ATXN7L1: variants seen among roughly 807,000 people sequenced by gnomAD.
ATXN7L1 encodes ataxin 7 like 1.
ATXN7L1 carries 15 observed loss-of-function variants against 70.8 expected under a neutral mutation model. The ratio of observed to expected loss-of-function variants is 0.21; its 90% CI spans 0.14 to 0.33. ATXN7L1 has a LOEUF of 0.33. ATXN7L1 is among the 10% of genes least tolerant of loss of function. ATXN7L1 has a pLI of 1.00. For synonymous variants in ATXN7L1, 440 were observed against 445.1 expected (o/e 0.99, Z 0.14); for missense variants, 975 against 1,097.1 (o/e 0.89, Z 1.57).
rs576321846 is a variant in ATXN7L1, at chr7:105,614,431, G to C, written c.1903C>G (p.Arg635Gly). Residue 635 changes from arginine (R) to glycine (G), a missense_variant, in exon 10 of 12, where the codon CGT becomes GGT. Transcript: ENST00000419735. This position sits in a 1 kb window ranked among gnomAD's most constrained non-coding sequence, Gnocchi z 4.3. Reference sequence around the variant, plus strand: ...TTGTTACTTGGAGACTCGTCGCTACGGGTGGACAGGTCTTTGACTTTTGAG... The same window carrying C: ...TTGTTACTTGGAGACTCGTCGCTACCGGTGGACAGGTCTTTGACTTTTGAG... ...KSSKVKDLST[R>G]SDESPSNKKR... 6.5e-7 allele frequency: 1 copy of C among 1,549,290 alleles called. No individual in the cohort carries two copies. Among genetic ancestry groups the C allele is most frequent in the Admixed American group, 2.0e-5 (1 of 50,548 alleles).
At chr7:105,662,408 T>C (rs935004031) in intron 4 of ATXN7L1, among the ~76,000 whole-genome samples, 1 of 152,192 alleles carries the variant, frequency 6.6e-6, no homozygotes, top group African/African-American at 2.4e-5. Flanking sequence ...AGTCAGATTC[T>C]TTCTGCCCCT....
intron 2 of ATXN7L1, among the ~76,000 whole-genome samples, chr7:105,834,720 C>T (rs1812111666): frequency 1.3e-5 from 2 of 152,200 alleles, no homozygotes; most frequent in South Asian, 2.1e-4. Context: ...CGTACTGCCA[C>T]ACACACTGTA....
chr7:105,613,617 C>T (rs1042602948), intron 10 of ATXN7L1: 16 of 1,378,210 alleles, frequency 1.2e-5, no homozygotes, highest in South Asian at 1.5e-5. Context: ...ACTGGGGTGT[C>T]GTGAGGACTC....
chr7:105,867,875 GAC>G (rs919836724), intron 2 of ATXN7L1, among the ~76,000 whole-genome samples: 2 of 152,198 alleles, frequency 1.3e-5, no homozygotes, highest in Admixed American at 1.3e-4. Flanking sequence ...AGGGGAGGGA[GAC>G]ACTGCTGGCA....
chr7:105,699,627 T>C (rs1266937454), intron 3 of ATXN7L1, among the ~76,000 whole-genome samples: 2 of 152,176 alleles, frequency 1.3e-5, no homozygotes, highest in Non-Finnish European at 2.9e-5. Context: ...GTATTGCAGA[T>C]ATGTAGATGA....
intron 3 of ATXN7L1, among the ~76,000 whole-genome samples, chr7:105,698,843 G>C (rs1237267216): frequency 6.6e-6 from 1 of 152,198 alleles, no homozygotes; most frequent in Non-Finnish European, 1.5e-5. Context: ...GCTAGCCAGA[G>C]CATAGAAACT....
At chr7:105,710,951 G>A (rs1793833124) in intron 3 of ATXN7L1, among the ~76,000 whole-genome samples, 1 of 152,142 alleles carries the variant, frequency 6.6e-6, no homozygotes, top group African/African-American at 2.4e-5. Flanking sequence ...ATGGATGGCA[G>A]CAGGCAAAGA....
chr7:105,836,366 A>C (rs1812386299), intron 2 of ATXN7L1, among the ~76,000 whole-genome samples: 1 of 152,084 alleles, frequency 6.6e-6, no homozygotes, highest in Non-Finnish European at 1.5e-5. Flanking sequence ...AAACAACCAA[A>C]ATGACCCAAA....
chr7:105,720,739 G>T (rs1362885090), intron 3 of ATXN7L1, among the ~76,000 whole-genome samples: 1 of 152,108 alleles, frequency 6.6e-6, no homozygotes, highest in Non-Finnish European at 1.5e-5. Flanking sequence ...CAAAATGCTG[G>T]GATTACAGGC....
chr7:105,694,777 G>T lies in ATXN7L1; in HGVS notation c.356-29489C>A, dbSNP rs909032317. Among the ~76,000 whole-genome samples, 13 of 152,304 alleles carry T rather than the reference G, an allele frequency of 8.5e-5. 1 individual carries two copies. The highest frequency in any genetic ancestry group is 2.6e-4 in the Admixed American group (4 of 15,300). Reference sequence around the variant, plus strand: ...CCCTAGGTCTTCCAACTCCTGGCCCGGCCCTCCTTGCTTCCCTCTATGGCG... The same window carrying T: ...CCCTAGGTCTTCCAACTCCTGGCCCTGCCCTCCTTGCTTCCCTCTATGGCG... On this transcript the variant is annotated intron_variant, in intron 3 of 11. Transcript: ENST00000419735.
chr7:105,690,222 C>T (rs1241166791), intron 3 of ATXN7L1, among the ~76,000 whole-genome samples: 1 of 152,076 alleles, frequency 6.6e-6, no homozygotes, highest in East Asian at 1.9e-4. Flanking sequence ...TCAGGCTGGT[C>T]TCGAACTCCC....
intron 2 of ATXN7L1, among the ~76,000 whole-genome samples, chr7:105,809,294 G>A (rs1352964652): frequency 6.6e-6 from 1 of 152,222 alleles, no homozygotes; most frequent in Non-Finnish European, 1.5e-5. Context: ...GAGATCTACT[G>A]TCTTAACACA....
chr7:105,771,508 C>T (rs1802007165), intron 3 of ATXN7L1, among the ~76,000 whole-genome samples: 2 of 152,166 alleles, frequency 1.3e-5, no homozygotes, highest in African/African-American at 4.8e-5. Flanking sequence ...AGATTATGAG[C>T]TGTGAATGAA....
At chr7:105,856,586 CAAAAA>C (rs375731226) in intron 2 of ATXN7L1, among the ~76,000 whole-genome samples, 1 of 80,294 alleles carries the variant, frequency 1.2e-5, no homozygotes. Context: ...GACTCAGTCT[CAAAAA>C]AAAAAAAAAA....
chr7:105,750,725 C>T (rs562622093), intron 3 of ATXN7L1, among the ~76,000 whole-genome samples: 7 of 152,306 alleles, frequency 4.6e-5, no homozygotes, highest in African/African-American at 1.7e-4. Context: ...ATCACTTGAA[C>T]CCGGGACGTG....
At chr7:105,776,131 C>T (rs1444000957) in intron 3 of ATXN7L1, among the ~76,000 whole-genome samples, 1 of 152,128 alleles carries the variant, frequency 6.6e-6, no homozygotes. Flanking sequence ...GTTTGTTACC[C>T]GAATTCTCCT....
In ATXN7L1 at chr7:105,725,244, G is replaced by T. The variant is rs561956116; in HGVS notation, c.356-59956C>A. Among the ~76,000 whole-genome samples, 15 of 152,178 alleles carry T rather than the reference G, an allele frequency of 9.9e-5. No individual in the cohort carries two copies. The South Asian group carries it at 3.1e-3, about 32-fold the overall frequency. Reference sequence around the variant, plus strand: ...GAGAGAGTTTACTGTCTGGCCACTGGTAAAACGAAAGAAATCACCTCTGTT... The same window carrying T: ...GAGAGAGTTTACTGTCTGGCCACTGTTAAAACGAAAGAAATCACCTCTGTT... On this transcript the variant is annotated intron_variant, in intron 3 of 11. Transcript: ENST00000419735.
At chr7:105,626,362 G>C (rs564184819) in intron 7 of ATXN7L1, among the ~76,000 whole-genome samples, 1 of 152,300 alleles carries the variant, frequency 6.6e-6, no homozygotes, top group East Asian at 1.9e-4. Flanking sequence ...GGAAGGAGCG[G>C]GGAATAGGGA....
intron 2 of ATXN7L1, among the ~76,000 whole-genome samples, chr7:105,818,372 T>C (rs776849571): frequency 4.1e-4 from 62 of 152,196 alleles, no homozygotes; most frequent in Non-Finnish European, 7.6e-4. Flanking sequence ...GGTTTTGCCA[T>C]GCTGGCCAGG....
Sources: gnomAD v4.1 joint callset for allele counts (sites outside exome capture counted in the v4.1 genomes callset) on GRCh38, gnomAD v4.1.1 for gene constraint, Gnocchi (gnomAD v3.1) non-coding constraint, MANE v1.5 for transcripts, NCBI Gene and HGNC (gene_info 2026-07-23, HGNC 2026-07-21) for gene names.